SLC35A1: variants seen among roughly 807,000 people sequenced by gnomAD.
SLC35A1 encodes CMP-sialic acid transporter.
SLC35A1 carries 21 observed loss-of-function variants against 40.3 expected under a neutral mutation model. The observed-to-expected ratio is 0.52, with a 90% CI of 0.37 to 0.75. The LOEUF is 0.75. Among genes scored for constraint, SLC35A1 ranks in the 30% least tolerant of loss-of-function variants. SLC35A1 has a pLI of 0.00. For synonymous variants in SLC35A1, 146 were observed against 147.3 expected (o/e 0.99, Z 0.06); for missense variants, 297 against 382.1 (o/e 0.78, Z 1.86).
intron 2 of SLC35A1, among the ~76,000 whole-genome samples, chr6:87,484,501 T>C (rs1409817103): frequency 7.9e-5 from 12 of 152,192 alleles, no homozygotes; most frequent in Non-Finnish European, 1.5e-4. Flanking sequence ...CCTGCTGCTG[T>C]GTCATTCACC....
chr6:87,507,259 C>T (rs942018879), intron 5 of SLC35A1, among the ~76,000 whole-genome samples: 25 of 152,158 alleles, frequency 1.6e-4, no homozygotes, highest in African/African-American at 5.3e-4. Flanking sequence ...TAAAATACTG[C>T]TTGTAAATAA....
intron 2 of SLC35A1, among the ~76,000 whole-genome samples, chr6:87,499,770 G>T (rs564096514): frequency 6.6e-6 from 1 of 151,952 alleles, no homozygotes; most frequent in East Asian, 1.9e-4. Context: ...CCCACTTAAC[G>T]AACTACCAAA....
At chr6:87,480,593 G>C (rs927252264) in intron 2 of SLC35A1, among the ~76,000 whole-genome samples, 1 of 152,144 alleles carries the variant, frequency 6.6e-6, no homozygotes, top group African/African-American at 2.4e-5. Context: ...TTTGTGAAAG[G>C]GGCAGTTGTA....
Position 87,500,703 on chromosome 6 carries a change from C to A in SLC35A1, c.354+36C>A, listed in dbSNP as rs141720970. 5.5e-5 allele frequency: 88 copies of A among 1,599,970 alleles called. No homozygotes were observed. The East Asian group carries it at 1.7e-3, about 32-fold the overall frequency. On this transcript the variant is annotated intron_variant, in intron 3 of 7. Coordinates refer to ENST00000369552, the MANE Select transcript of SLC35A1 (RefSeq NM_006416.5). ...TTAATGATAATGAAAAGCACAGAATCTTTTATGGTAAAAAGAGTTTTTATT... is the reference window on the plus strand; with the variant it reads ...TTAATGATAATGAAAAGCACAGAATATTTTATGGTAAAAAGAGTTTTTATT...
intron 2 of SLC35A1, among the ~76,000 whole-genome samples, chr6:87,492,136 A>T (rs181644232): frequency 1.8e-4 from 28 of 152,328 alleles, no homozygotes; most frequent in African/African-American, 6.7e-4. Context: ...ACATTCTCTT[A>T]TATATAATCA....
intron 2 of SLC35A1, among the ~76,000 whole-genome samples, chr6:87,496,747 T>C: frequency 7.2e-6 from 1 of 139,006 alleles, no homozygotes. Flanking sequence ...ACCACTGCAC[T>C]CTAGCCTGGG....
chr6:87,502,706 T>TG (rs1005448364), intron 4 of SLC35A1, among the ~76,000 whole-genome samples: 9 of 152,188 alleles, frequency 5.9e-5, no homozygotes, highest in African/African-American at 1.9e-4. Flanking sequence ...TGTTAATTTC[T>TG]GGGGGGCAGG....
intron 4 of SLC35A1, among the ~76,000 whole-genome samples, chr6:87,503,182 T>C (rs1296203716): frequency 6.6e-6 from 1 of 152,174 alleles, no homozygotes; most frequent in Non-Finnish European, 1.5e-5. Context: ...TTACTGAACA[T>C]ATCATCTCTC....
chr6:87,473,402 C>G (rs968591642), intron 1 of SLC35A1, among the ~76,000 whole-genome samples: 3 of 152,192 alleles, frequency 2.0e-5, no homozygotes, highest in Non-Finnish European at 2.9e-5. Context: ...CCTGGCCCCG[C>G]GGCTCCGGTC....
intron 2 of SLC35A1, among the ~76,000 whole-genome samples, chr6:87,482,719 G>T (rs9450711): frequency 0.38 from 57,689 of 151,948 alleles, 11,022 homozygotes; most frequent in Admixed American, 0.46. Context: ...GATCCCCTGT[G>T]AGGAAACCTG....
intron 4 of SLC35A1, among the ~76,000 whole-genome samples, chr6:87,505,712 A>G (rs1054286315): frequency 6.6e-6 from 1 of 152,182 alleles, no homozygotes; most frequent in Non-Finnish European, 1.5e-5. Flanking sequence ...CATCCTTTTT[A>G]TCAGAAACCT....
rs572651483 is a variant in SLC35A1, at chr6:87,509,269, A to C, written c.886+94A>C. 24 of 1,477,632 alleles carry C rather than the reference A, an allele frequency of 1.6e-5. No homozygotes were observed. The African/African-American group carries it at 3.2e-4, about 20-fold the overall frequency. The allele number at this position is 1,477,632 out of a possible 1,614,324, so 91.5% of individuals were successfully genotyped here. On this transcript the variant is annotated intron_variant, in intron 7 of 7. Transcript: ENST00000369552. ...TTATTTAAAAGTGGCAGTTGGTCAT[A>C]CTGTTTACAGAAATTCCTAGCTTTG... is the stretch of plus-strand genomic sequence containing the variant.
Position 87,508,471 on chromosome 6 carries a change from G to C in SLC35A1, c.626G>C (p.Arg209Thr). The C allele has an allele frequency of 6.2e-7, 1 of 1,612,346 alleles. No individual in the cohort carries two copies. Among genetic ancestry groups the C allele is most frequent in the African/African-American group, 1.3e-5 (1 of 74,992 alleles). Residue 209 changes from arginine (R) to threonine (T), a missense_variant, in exon 6 of 8, where the codon AGA becomes ACA. Coordinates refer to ENST00000369552, the MANE Select transcript of SLC35A1 (RefSeq NM_006416.5). The stretch of plus-strand genomic sequence containing the variant: ...AGTTCAGATACTTCTCTTTGGGTGA[G>C]AAACATTCAAATGTATCTATCAGGG... ...LKSSDTSLWV[R>T]NIQMYLSGII... is the part of the protein sequence containing the mutation.
At chr6:87,511,037 A>T (rs1770250569) in intron 7 of SLC35A1, among the ~76,000 whole-genome samples, 1 of 152,172 alleles carries the variant, frequency 6.6e-6, no homozygotes, top group Non-Finnish European at 1.5e-5. Flanking sequence ...GGAAAAGCCA[A>T]TCCTACCACA....
At chr6:87,492,372 T>C (rs551282790) in intron 2 of SLC35A1, among the ~76,000 whole-genome samples, 2 of 152,226 alleles carry the variant, frequency 1.3e-5, no homozygotes, top group African/African-American at 4.8e-5. Context: ...GTCATTGATA[T>C]TAACACAGGC....
rs533937418 is a variant in SLC35A1, at chr6:87,507,868, T to C, written c.575-552T>C. ...CCAGTTGGGGAGTTCATGATCCTTC[T>C]GACCTTGTGTATGAACTTGGCTTGT... On this transcript the variant is annotated intron_variant, in intron 5 of 7. Transcript: ENST00000369552. 2.6e-5 allele frequency among the ~76,000 whole-genome samples: 4 copies of C among 152,274 alleles called. No homozygotes were observed. In the South Asian group the frequency reaches 8.3e-4, roughly 32 times the overall value.
chr6:87,473,978 C>T (rs1768996023), intron 1 of SLC35A1, among the ~76,000 whole-genome samples: 1 of 152,258 alleles, frequency 6.6e-6, no homozygotes, highest in South Asian at 2.1e-4. Flanking sequence ...TGCCCAGGGG[C>T]ATTGTCTTTA....
Position 87,508,708 on chromosome 6 carries a change from T to A in SLC35A1, c.751+112T>A. On this transcript the variant is annotated intron_variant, in intron 6 of 7. Coordinates refer to ENST00000369552, the MANE Select transcript of SLC35A1 (RefSeq NM_006416.5). ...GAAATTAATCCTTTGATACTGTAAA[T>A]ACCAGTTTGAATATAATTTTCATTT... The A allele has an allele frequency of 4.6e-6, 4 of 871,430 alleles. No homozygotes were observed. In the South Asian group the frequency reaches 6.5e-5, roughly 14 times the overall value. The allele number at this position is 871,430 out of a possible 1,614,324, so 54.0% of individuals were successfully genotyped here. A position where few individuals can be genotyped will look rare whatever the true frequency, so the allele number is the denominator to read the frequency against.
intron 2 of SLC35A1, among the ~76,000 whole-genome samples, chr6:87,478,088 G>A (rs1769127842): frequency 6.6e-6 from 1 of 151,106 alleles, no homozygotes; most frequent in South Asian, 2.1e-4. Context: ...CATTTTCAAG[G>A]TAAGTACTTT....
Sources: gnomAD v4.1 joint callset for allele counts (sites outside exome capture counted in the v4.1 genomes callset) on GRCh38, gnomAD v4.1.1 for gene constraint, MANE v1.5 for transcripts, NCBI Gene and HGNC (gene_info 2026-07-23, HGNC 2026-07-21) for gene names.